The following PDE1C variants were observed in gnomAD, a reference collection of about 807,000 sequenced individuals.
The protein encoded by PDE1C is phosphodiesterase 1C.
In PDE1C, 62 loss-of-function variants were observed where a neutral mutation model predicts 93.1. The observed-to-expected ratio is 0.67, with a 90% CI of 0.54 to 0.82. The LOEUF is 0.82. PDE1C is among the 40% of genes least tolerant of loss of function. PDE1C has a pLI of 0.00. For synonymous variants in PDE1C, 325 were observed against 310.1 expected (o/e 1.05, Z -0.50); for missense variants, 742 against 884.6 (o/e 0.84, Z 2.04).
intron 3 of PDE1C, among the ~76,000 whole-genome samples, chr7:32,092,164 T>TGG (rs1554501275): frequency 1.3e-5 from 2 of 149,032 alleles, no homozygotes; most frequent in East Asian, 4.0e-4. Flanking sequence ...CTTTTGTTCA[T>TGG]GAGAGAGAGA....
chr7:31,932,884 C>T lies in PDE1C; in HGVS notation c.129-52024G>A, dbSNP rs191422052. On this transcript the variant is annotated intron_variant, in intron 2 of 17. Transcript: ENST00000396191. ...TATACACCATGGAATACTATGCAGC[C>T]ATAAAGAAGAATGAGTTCATGTTCT... Among the ~76,000 whole-genome samples, 156 of 152,202 alleles carry T rather than the reference C, an allele frequency of 1.0e-3. 3 individuals are homozygous for T. The East Asian group carries it at 0.025, about 25-fold the overall frequency.
intron 2 of PDE1C, among the ~76,000 whole-genome samples, chr7:32,011,830 T>G (rs1447801459): frequency 6.6e-6 from 1 of 152,186 alleles, no homozygotes; most frequent in Non-Finnish European, 1.5e-5. Context: ...TAGGTATCTC[T>G]TCTAGAGAAG....
At chr7:31,830,924 C>A (rs998987992) in intron 11 of PDE1C, among the ~76,000 whole-genome samples, 1 of 152,124 alleles carries the variant, frequency 6.6e-6, no homozygotes, top group Non-Finnish European at 1.5e-5. Flanking sequence ...TGAGTGAGTT[C>A]AAAACTTCTG....
At chr7:31,682,375 T>C in the PDE1C span, among the ~76,000 whole-genome samples, 1 of 152,190 alleles carries the variant, frequency 6.6e-6, no homozygotes, top group Non-Finnish European at 1.5e-5. Flanking sequence ...TATGAAAACA[T>C]GTTCAAAATC....
intron 2 of PDE1C, among the ~76,000 whole-genome samples, chr7:32,004,380 G>A (rs1327765836): frequency 6.6e-6 from 1 of 152,102 alleles, no homozygotes; most frequent in Non-Finnish European, 1.5e-5. Flanking sequence ...GGTAACCAAG[G>A]GGTCCATAGA....
chr7:32,196,128 G>A lies in PDE1C; in HGVS notation c.136+13361C>T, dbSNP rs200053893. ...TCATGATGGGAGGAAGGCTGATTTAGATGAAAGGGCCAGCTCTCTGTTTAA... is the reference window on the plus strand; with the variant it reads ...TCATGATGGGAGGAAGGCTGATTTAAATGAAAGGGCCAGCTCTCTGTTTAA... On this transcript the variant is annotated intron_variant, in intron 2 of 18. Coordinates refer to the PDE1C transcript ENST00000396193. Among the ~76,000 whole-genome samples the A allele has an allele frequency of 2.0e-4, 31 of 152,310 alleles. 1 individual carries two copies. The East Asian group carries it at 6.0e-3, about 29-fold the overall frequency.
chr7:31,852,420 A>G (rs953163790), intron 7 of PDE1C, among the ~76,000 whole-genome samples: 23 of 152,204 alleles, frequency 1.5e-4, no homozygotes, highest in African/African-American at 5.3e-4. Flanking sequence ...AATGAGATGA[A>G]AAAAAGATGG....
chr7:32,417,141 C>T lies in PDE1C; in HGVS notation c.310+10681G>A, dbSNP rs78027157. ...CGAGAAGCATTTACCACGAGCTGAG[C>T]GGTCCCAGGGAGCATAGTCAGTTCT... On this transcript the variant is annotated intron_variant, in intron 1 of 1. Transcript: ENST00000672256. 7.0e-3 allele frequency among the ~76,000 whole-genome samples: 1,062 copies of T among 152,200 alleles called. 14 individuals carry two copies. Among genetic ancestry groups the T allele is most frequent in the East Asian group, 0.025 (127 of 5,152 alleles).
At chr7:32,387,796 CGGGCGGGGGGCTG>C (rs1784667891) in intron 1 of PDE1C, among the ~76,000 whole-genome samples, 1 of 142,554 alleles carries the variant, frequency 7.0e-6, no homozygotes, top group East Asian at 2.0e-4. Context: ...GGCGGCTGGC[CGGGCGGGGGGCTG>C]ACCCCCACCA....
intron 2 of PDE1C, among the ~76,000 whole-genome samples, chr7:32,049,577 T>C (rs994905337): frequency 8.5e-5 from 13 of 152,150 alleles, no homozygotes; most frequent in African/African-American, 2.9e-4. Flanking sequence ...GAGGAGACCA[T>C]GCAACACAGG....
chr7:31,823,532 CAT>C (rs1789271946), intron 13 of PDE1C, among the ~76,000 whole-genome samples: 1 of 152,076 alleles, frequency 6.6e-6, no homozygotes. Flanking sequence ...AGAATCCCCT[CAT>C]GTGAATTTTC....
rs552508598 is a variant in PDE1C, at chr7:31,880,169, C to A, written c.242+578G>T. Among the ~76,000 whole-genome samples the A allele has an allele frequency of 7.9e-5, 12 of 152,282 alleles. No individual in the cohort carries two copies. The South Asian group carries it at 2.3e-3, about 29-fold the overall frequency. On this transcript the variant is annotated intron_variant, in intron 3 of 17. Transcript: ENST00000396191. ...AAAAAACCACACCTTTCGTATTCAA[C>A]ATTTCAACATTTTTCAAAAGAAATG...
chr7:32,182,192 T>C (rs1441291759), intron 2 of PDE1C, among the ~76,000 whole-genome samples: 1 of 152,132 alleles, frequency 6.6e-6, no homozygotes, highest in Non-Finnish European at 1.5e-5. Context: ...CAGGACCAGA[T>C]GGATTCACAG....
intron 15 of PDE1C, among the ~76,000 whole-genome samples, chr7:31,809,998 A>G (rs1247547730): frequency 6.6e-6 from 1 of 152,084 alleles, no homozygotes; most frequent in Non-Finnish European, 1.5e-5. Context: ...ACACTTACTC[A>G]TTTACCTATT....
At chr7:32,099,678 C>T (rs977355736) in intron 3 of PDE1C, among the ~76,000 whole-genome samples, 2 of 152,208 alleles carry the variant, frequency 1.3e-5, no homozygotes, top group Non-Finnish European at 2.9e-5. Flanking sequence ...GCCTACAGTT[C>T]CAGCCTCCTC....
chr7:32,139,512 C>T (rs32314), intron 3 of PDE1C, among the ~76,000 whole-genome samples: 103,576 of 151,588 alleles, frequency 0.68, 36,069 homozygotes, highest in Middle Eastern at 0.81. Context: ...CTCAGTGTCC[C>T]TGTTTGCTTG....
At chr7:32,393,931 TTTC>T (rs1784796683) in intron 1 of PDE1C, among the ~76,000 whole-genome samples, 1 of 152,228 alleles carries the variant, frequency 6.6e-6, no homozygotes, top group African/African-American at 2.4e-5. Context: ...TATGAGCTAT[TTTC>T]CCAGTGCCAC....
intron 1 of PDE1C, among the ~76,000 whole-genome samples, chr7:32,387,725 AG>A (rs1784664978): frequency 9.4e-6 from 1 of 106,432 alleles, no homozygotes; most frequent in African/African-American, 4.4e-5. Context: ...GGCCGGGCAG[AG>A]GGGCTCCTCA....
At chr7:31,913,812 G>T (rs1462997974) in intron 2 of PDE1C, among the ~76,000 whole-genome samples, 1 of 152,182 alleles carries the variant, frequency 6.6e-6, no homozygotes, top group Admixed American at 6.5e-5. Flanking sequence ...TATAGCTACT[G>T]AACGGCATCT....
Sources: allele counts gnomAD v4.1 joint callset (sites outside exome capture counted in the v4.1 genomes callset), GRCh38; gene constraint gnomAD v4.1.1; transcripts MANE v1.5; gene names NCBI Gene and HGNC (gene_info 2026-07-23, HGNC 2026-07-21).